Variants in ZNF141 observed in about 807,000 individuals in gnomAD.
ZNF141 encodes the protein zinc finger protein 141 (clone pHZ-44).
In ZNF141, 7 loss-of-function variants were observed where a neutral mutation model predicts 11.3. The observed-to-expected ratio is 0.62, with a 90% CI of 0.35 to 1.16. The LOEUF (loss-of-function observed/expected upper bound fraction) is 1.16. Among genes scored for constraint, ZNF141 ranks in the 50% most tolerant of loss-of-function variants. The pLI is 0.02. For missense variants in ZNF141, 535 were observed against 554.0 expected (o/e 0.97, Z 0.34); for synonymous variants, 183 against 190.7 (o/e 0.96, Z 0.33).
chr4:349,623 G>T (rs1236955225), intron 3 of ZNF141, among the ~76,000 whole-genome samples: 2 of 152,180 alleles, frequency 1.3e-5, no homozygotes, highest in Non-Finnish European at 2.9e-5. Flanking sequence ...GGCAGGTAAA[G>T]ATCTCCTTTT....
chr4:373,784 A>G lies in ZNF141; in HGVS notation c.1347A>G (p.Lys449=). Residue 449 remains lysine, a synonymous_variant, in exon 4 of 4, where the codon AAA becomes AAG. Transcript: ENST00000240499. ...SQHKKIHTVD[K]PYKCKDCDKA... ...ATAAGAAAATTCATACTGTAGATAA[A>G]CCCTACAAATGTAAAGATTGTGACA... 1 of 1,614,172 alleles carries G rather than the reference A, an allele frequency of 6.2e-7. No individual in the cohort carries two copies. The highest frequency in any genetic ancestry group is 8.5e-7 in the Non-Finnish European group (1 of 1,179,982).
In ZNF141 at chr4:347,040, T is replaced by C. The variant is rs1456924952; in HGVS notation, c.226+2610T>C. ...TTATATGATACTTCTAGTTTTATTC[T>C]TTTTTTTTTTTTTTGAGATGGAGTT... On this transcript the variant is annotated intron_variant, in intron 3 of 3. Coordinates refer to ENST00000240499, the MANE Select transcript of ZNF141 (RefSeq NM_003441.4). Among the ~76,000 whole-genome samples, 118 of 48,168 alleles carry C rather than the reference T, an allele frequency of 2.4e-3. 1 individual carries two copies. The highest frequency in any genetic ancestry group is 3.3e-3 in the Non-Finnish European group (83 of 25,226). The allele number at this position is 48,168 out of a possible 152,430, so 31.6% of individuals were successfully genotyped here.
chr4:339,484 T>A (rs532717105), intron 1 of ZNF141, among the ~76,000 whole-genome samples: 1 of 131,124 alleles, frequency 7.6e-6, no homozygotes, highest in South Asian at 2.4e-4. Flanking sequence ...GCATCCCTCA[T>A]GTGCTACAAG....
At chr4:350,786 C>G (rs2108693400) in intron 3 of ZNF141, among the ~76,000 whole-genome samples, 1 of 152,248 alleles carries the variant, frequency 6.6e-6, no homozygotes, top group Non-Finnish European at 1.5e-5. Context: ...GTGGCTCAGG[C>G]TGGAGTGCAG....
chr4:340,668 G>A (rs1553848300), intron 1 of ZNF141, among the ~76,000 whole-genome samples: 1 of 152,154 alleles, frequency 6.6e-6, no homozygotes, highest in African/African-American at 2.4e-5. Context: ...TTTTAATTAC[G>A]AGACCAAGTG....
At chr4:345,643 G>C (rs1483830474) in intron 3 of ZNF141, among the ~76,000 whole-genome samples, 1 of 148,514 alleles carries the variant, frequency 6.7e-6, no homozygotes, top group Non-Finnish European at 1.5e-5. Flanking sequence ...CAGGAGAATT[G>C]CTTGAACCCA....
At chr4:342,047 A>G (rs1440448977) in intron 1 of ZNF141, among the ~76,000 whole-genome samples, 1 of 152,170 alleles carries the variant, frequency 6.6e-6, no homozygotes, top group Non-Finnish European at 1.5e-5. Flanking sequence ...CCATCTATTT[A>G]TATTTAGCTA....
chr4:346,896 G>GCC (rs200698140), intron 3 of ZNF141, among the ~76,000 whole-genome samples: 39 of 128,820 alleles, frequency 3.0e-4, no homozygotes, highest in South Asian at 4.6e-4. Flanking sequence ...CACACACACC[G>GCC]CCCCCCCCAT....
chr4:369,751 TA>T (rs1711941954), intron 3 of ZNF141, among the ~76,000 whole-genome samples: 2 of 42,852 alleles, frequency 4.7e-5, no homozygotes, highest in African/African-American at 1.8e-4. Context: ...TATATATATA[TA>T]TATATATATA....
rs1200045121 is a variant in ZNF141, at chr4:383,327, A to AT, written c.*9467dup. ...CAATCCTGAGCTAGTATGTTTCGGG[A>AT]TTGTTATGCAGTTATAAGTTAGTAA... On this transcript the variant is annotated 3_prime_UTR_variant, in exon 4 of 4. Transcript: ENST00000240499. 1 of 585,992 alleles carries AT rather than the reference A, an allele frequency of 1.7e-6. No individual in the cohort carries two copies. The highest frequency in any genetic ancestry group is 2.8e-5 in the East Asian group (1 of 35,388). The allele number at this position is 585,992 out of a possible 1,614,324, so 36.3% of individuals were successfully genotyped here.
chr4:383,887 G>A lies in ZNF141; in HGVS notation c.*10025G>A, dbSNP rs1553856033. The A allele has an allele frequency of 2.0e-5, 3 of 152,384 alleles. No individual in the cohort carries two copies. Among genetic ancestry groups the A allele is most frequent in the African/African-American group, 7.2e-5 (3 of 41,584 alleles). 9.4% of individuals were successfully genotyped at this position (152,384 alleles called of 1,614,324 possible). A position where few individuals can be genotyped will look rare whatever the true frequency, so the allele number is the denominator to read the frequency against. On this transcript the variant is annotated 3_prime_UTR_variant, in exon 4 of 4. Coordinates refer to ENST00000240499, the MANE Select transcript of ZNF141 (RefSeq NM_003441.4). The stretch of plus-strand genomic sequence containing the variant: ...GAGTACTTAAAACCCAGAAAACATT[G>A]TAACCGGGTCCTTGGGCGGCTTGCT...
At chr4:362,971 T>C (rs1405932325) in intron 3 of ZNF141, among the ~76,000 whole-genome samples, 5 of 152,238 alleles carry the variant, frequency 3.3e-5, no homozygotes, top group Non-Finnish European at 7.3e-5. Flanking sequence ...CCTTGGGCAG[T>C]ATGGCCATTT....
At position 379,290 on chromosome 4, in the gene ZNF141, A is replaced by G. The variant is rs544891865; in HGVS notation, c.*5428A>G. Among the ~76,000 whole-genome samples the G allele has an allele frequency of 2.6e-5, 4 of 152,330 alleles. No homozygotes were observed. In the South Asian group the frequency reaches 8.3e-4, roughly 32 times the overall value. On this transcript the variant is annotated 3_prime_UTR_variant, in exon 4 of 4. Transcript: ENST00000240499. ...TCCAGGTACTTCAAGCTTAAAAGTA[A>G]GAGCTCTAGAGTGTATTGTCTTGTA...
chr4:373,283 C>G lies in ZNF141; in HGVS notation c.846C>G (p.Pro282=). Residue 282 remains proline, a synonymous_variant, in exon 4 of 4, where the codon CCC becomes CCG. Transcript: ENST00000240499. ...AGAGAATTCATGCTGGAGAGAAACC[C>G]ATCACATGTGAAGAATGTAGGAAAA... ...KHKRIHAGEK[P]ITCEECRKIF... 1.2e-6 allele frequency: 2 copies of G among 1,613,860 alleles called. No individual in the cohort carries two copies. Among genetic ancestry groups the G allele is most frequent in the Non-Finnish European group, 1.7e-6 (2 of 1,179,976 alleles).
chr4:349,815 A>C (rs1178146301), intron 3 of ZNF141, among the ~76,000 whole-genome samples: 1 of 152,180 alleles, frequency 6.6e-6, no homozygotes, highest in Non-Finnish European at 1.5e-5. Context: ...GAGGATATTA[A>C]TCTATATGGC....
rs191379287 is a variant in ZNF141 at position 365,882 on chromosome 4, T to C, written c.227-6782T>C. Among the ~76,000 whole-genome samples, 255 of 152,372 alleles carry C rather than the reference T, an allele frequency of 1.7e-3. 1 individual carries two copies. Among genetic ancestry groups the C allele is most frequent in the African/African-American group, 5.7e-3 (237 of 41,598 alleles). Reference sequence around the variant, plus strand: ...AGGTAATCAATTTTCCTAGCACCAATTATTGAAAAGACTGTCTTTTTCCAA... The same window carrying C: ...AGGTAATCAATTTTCCTAGCACCAACTATTGAAAAGACTGTCTTTTTCCAA... On this transcript the variant is annotated intron_variant, in intron 3 of 3. Transcript: ENST00000240499.
intron 3 of ZNF141, among the ~76,000 whole-genome samples, chr4:360,147 G>A (rs782531636): frequency 2.0e-5 from 3 of 152,182 alleles, no homozygotes; most frequent in African/African-American, 2.4e-5. Context: ...CTTACACATG[G>A]ATTCCAAAGT....
chr4:374,162 C>G lies in ZNF141; in HGVS notation c.*300C>G, dbSNP rs1553854224. On this transcript the variant is annotated 3_prime_UTR_variant, in exon 4 of 4. Coordinates refer to ENST00000240499, the MANE Select transcript of ZNF141 (RefSeq NM_003441.4). The stretch of plus-strand genomic sequence containing the variant: ...AGTGTAACAAAACCTTTAAACAGCC[C>G]TCACCGGTGAATAAACATAAGAAAA... 5.0e-6 allele frequency: 2 copies of G among 402,078 alleles called. No homozygotes were observed. The highest frequency in any genetic ancestry group is 2.0e-5 in the African/African-American group (1 of 49,616). 24.9% of individuals were successfully genotyped at this position (402,078 alleles called of 1,614,324 possible).
intron 3 of ZNF141, chr4:358,111 CTTG>C (rs1721931983): frequency 3.0e-6 from 1 of 331,060 alleles, no homozygotes; most frequent in African/African-American, 2.4e-5. Flanking sequence ...TCTGTTAAAG[CTTG>C]TTGTTAAATT....
Sources: gnomAD v4.1 joint callset for allele counts (sites outside exome capture counted in the v4.1 genomes callset) on GRCh38, gnomAD v4.1.1 for gene constraint, MANE v1.5 for transcripts, NCBI Gene and HGNC (gene_info 2026-07-23, HGNC 2026-07-21) for gene names.